The following TOP1 variants were observed in gnomAD, a reference collection of about 807,000 sequenced individuals.
TOP1 encodes the protein DNA topoisomerase I, also known as DNA topoisomerase 1.
Under a neutral mutation model 111.1 loss-of-function variants are expected in TOP1, and 10 were observed. That is an observed-to-expected ratio of 0.09 (90% CI 0.06 to 0.15). The LOEUF is 0.15. TOP1 is among the 10% of genes least tolerant of loss of function. TOP1 has a pLI of 1.00. For synonymous variants in TOP1, 271 were observed against 302.9 expected (o/e 0.89, Z 1.10); for missense variants, 474 against 926.7 (o/e 0.51, Z 6.34).
chr20:41,111,127 G>A (rs1360565784), intron 13 of TOP1, among the ~76,000 whole-genome samples: 1 of 152,194 alleles, frequency 6.6e-6, no homozygotes, highest in Non-Finnish European at 1.5e-5. Flanking sequence ...GGGACTTTGA[G>A]ACAGGCTTTG....
chr20:41,035,465 A>G (rs2033173384), intron 2 of TOP1, among the ~76,000 whole-genome samples: 1 of 152,198 alleles, frequency 6.6e-6, no homozygotes, highest in African/African-American at 2.4e-5. Flanking sequence ...GTAAGCTCCA[A>G]CAAAAGATGT....
chr20:41,100,271 A>G lies in TOP1; in HGVS notation c.1163+28A>G, dbSNP rs746619113. 4.4e-5 allele frequency: 69 copies of G among 1,583,686 alleles called. No homozygotes were observed. Among genetic ancestry groups the G allele is most frequent in the Non-Finnish European group, 4.4e-5 (51 of 1,159,842 alleles). On this transcript the variant is annotated intron_variant, in intron 12 of 20. Transcript: ENST00000361337. The surrounding 1 kb of genome is among the most constrained non-coding windows in gnomAD (Gnocchi z 4.4). The stretch of plus-strand genomic sequence containing the variant: ...GAGCTCGCACTTCATCCTATGGGCC[A>G]AAAAGGGGGTGGAGGGCGTCCTTTA...
At position 41,032,764 on chromosome 20, in the gene TOP1, G is replaced by A. The variant is rs1015047790; in HGVS notation, c.58+3309G>A. On this transcript the variant is annotated intron_variant, in intron 2 of 20. Transcript: ENST00000361337. The surrounding 1 kb of genome is among the most constrained non-coding windows in gnomAD (Gnocchi z 4.3). ...TAATTAAATATGAATTGTTTCTGAT[G>A]CTAATAGATAGTTGTACTTCTGTCT... Among the ~76,000 whole-genome samples the A allele has an allele frequency of 1.3e-5, 2 of 152,208 alleles. No homozygotes were observed. The highest frequency in any genetic ancestry group is 4.8e-5 in the African/African-American group (2 of 41,444).
intron 3 of TOP1, among the ~76,000 whole-genome samples, chr20:41,066,772 T>G (rs896730496): frequency 6.6e-6 from 1 of 152,124 alleles, no homozygotes; most frequent in Non-Finnish European, 1.5e-5. Context: ...ACCAGGATGG[T>G]CTCAATCTCC....
Position 41,070,301 on chromosome 20 carries a change from T to G in TOP1, c.156-5870T>G, listed in dbSNP as rs36062059. Among the ~76,000 whole-genome samples the G allele has an allele frequency of 8.5e-3, 1,300 of 152,338 alleles. 19 individuals are homozygous for G. Among genetic ancestry groups the G allele is most frequent in the South Asian group, 0.052 (251 of 4,828 alleles). ...TTTTGCCATCTTTGGGCACATCCTT[T>G]TATCCTCTCTGGCCTGAAAACAAAG... is the stretch of plus-strand genomic sequence containing the variant. On this transcript the variant is annotated intron_variant, in intron 3 of 20. Coordinates refer to ENST00000361337, the MANE Select transcript of TOP1 (RefSeq NM_003286.4).
At position 41,102,102 on chromosome 20, in the gene TOP1, CT is replaced by C. The variant is rs1298189498; in HGVS notation, c.1308+750del. On this transcript the variant is annotated intron_variant, in intron 13 of 20. Transcript: ENST00000361337. The surrounding 1 kb of genome is among the most constrained non-coding windows in gnomAD (Gnocchi z 4.0). The stretch of plus-strand genomic sequence containing the variant: ...GAATTAGTTCTATGTAGACTGTTAA[CT>C]GTTTTATGTGCAGGAGACCTGGGAC... Among the ~76,000 whole-genome samples the C allele has an allele frequency of 6.6e-6, 1 of 152,160 alleles. No individual in the cohort carries two copies. The highest frequency in any genetic ancestry group is 1.5e-5 in the Non-Finnish European group (1 of 68,016).
chr20:41,100,319 G>A lies in TOP1; in HGVS notation c.1163+76G>A. ...TTATTGTACTTGGGAATATTTCCCA[G>A]GTTACACAGGACTGTTTGGGAAGGG... On this transcript the variant is annotated intron_variant, in intron 12 of 20. Coordinates refer to ENST00000361337, the MANE Select transcript of TOP1 (RefSeq NM_003286.4). This position sits in a 1 kb window ranked among gnomAD's most constrained non-coding sequence, Gnocchi z 4.4. The A allele has an allele frequency of 2.4e-6, 3 of 1,234,050 alleles. No individual in the cohort carries two copies. Among genetic ancestry groups the A allele is most frequent in the Non-Finnish European group, 3.4e-6 (3 of 870,866 alleles). 76.4% of individuals were successfully genotyped at this position (1,234,050 alleles called of 1,614,324 possible).
intron 2 of TOP1, among the ~76,000 whole-genome samples, chr20:41,037,037 A>T (rs55785072): frequency 0.021 from 3,126 of 152,094 alleles, 100 homozygotes; most frequent in African/African-American, 0.071. Context: ...TCACCGTGTT[A>T]GCCAGGATGG....
chr20:41,040,517 A>G (rs1600553702), intron 2 of TOP1, among the ~76,000 whole-genome samples: 1 of 152,164 alleles, frequency 6.6e-6, no homozygotes, highest in Non-Finnish European at 1.5e-5. Context: ...AGTCTTTATA[A>G]CTACTGGCTT....
At chr20:41,065,763 T>C (rs1219643729) in intron 3 of TOP1, among the ~76,000 whole-genome samples, 1 of 152,216 alleles carries the variant, frequency 6.6e-6, no homozygotes, top group Non-Finnish European at 1.5e-5. Flanking sequence ...CTGAATTATA[T>C]TCCATTGTAT....
intron 13 of TOP1, among the ~76,000 whole-genome samples, chr20:41,105,285 G>A (rs2034128157): frequency 6.6e-6 from 1 of 151,988 alleles, no homozygotes; most frequent in African/African-American, 2.4e-5. Flanking sequence ...GTAAACTATT[G>A]TAAGCTAAAG....
In TOP1 at chr20:41,106,656, T is replaced by G. The variant is rs6124317; in HGVS notation, c.1308+5303T>G. Among the ~76,000 whole-genome samples the G allele has an allele frequency of 6.6e-5, 10 of 151,976 alleles. No individual in the cohort carries two copies. The highest frequency in any genetic ancestry group is 1.3e-4 in the Non-Finnish European group (9 of 67,982). On this transcript the variant is annotated intron_variant, in intron 13 of 20. Transcript: ENST00000361337. This position sits in a 1 kb window ranked among gnomAD's most constrained non-coding sequence, Gnocchi z 4.3. ...GTGATCTTATAGTTTTTATTGCTAA[T>G]GTGAATGAGATTTTTTTCCATTATG...
intron 2 of TOP1, among the ~76,000 whole-genome samples, chr20:41,054,301 C>T (rs1303005043): frequency 2.0e-5 from 3 of 152,106 alleles, no homozygotes; most frequent in Non-Finnish European, 2.9e-5. Flanking sequence ...TTCCCCACCC[C>T]GCCCCCGCAC....
intron 3 of TOP1, among the ~76,000 whole-genome samples, chr20:41,068,692 G>A (rs1462911582): frequency 2.0e-5 from 3 of 152,078 alleles, no homozygotes; most frequent in Admixed American, 2.0e-4. Context: ...ACCATGGCCG[G>A]CCCTCTTTTA....
At chr20:41,090,289 A>AT (rs1157506971) in intron 8 of TOP1, among the ~76,000 whole-genome samples, 1 of 151,684 alleles carries the variant, frequency 6.6e-6, no homozygotes, top group Non-Finnish European at 1.5e-5. Context: ...CCTATTTTTA[A>AT]TTTTATCTTT....
In TOP1 at chr20:41,069,047, G is replaced by T. The variant is rs1480789299; in HGVS notation, c.156-7124G>T. 6.6e-6 allele frequency among the ~76,000 whole-genome samples: 1 copy of T among 152,194 alleles called. No homozygotes were observed. Among genetic ancestry groups the T allele is most frequent in the Non-Finnish European group, 1.5e-5 (1 of 68,042 alleles). ...AAATAGCAAGGGAAGTACTTTTCCAGCCATATTGGCAGTGCTATTCTGTAC... is the reference window on the plus strand; with the variant it reads ...AAATAGCAAGGGAAGTACTTTTCCATCCATATTGGCAGTGCTATTCTGTAC... On this transcript the variant is annotated intron_variant, in intron 3 of 20. Transcript: ENST00000361337. This position sits in a 1 kb window ranked among gnomAD's most constrained non-coding sequence, Gnocchi z 4.1.
At chr20:41,047,733 T>A (rs1471416616) in intron 2 of TOP1, among the ~76,000 whole-genome samples, 1 of 152,226 alleles carries the variant, frequency 6.6e-6, no homozygotes, top group Non-Finnish European at 1.5e-5. Flanking sequence ...ATTTAGTACC[T>A]GGCCCTTCAC....
At position 41,118,442 on chromosome 20, in the gene TOP1, GTAGT is replaced by G; in HGVS notation, c.1950+149_1950+152del. The G allele has an allele frequency of 1.1e-6, 1 of 909,520 alleles. No homozygotes were observed. The highest frequency in any genetic ancestry group is 1.7e-6 in the Non-Finnish European group (1 of 600,440). The allele number at this position is 909,520 out of a possible 1,614,324, so 56.3% of individuals were successfully genotyped here. A position where few individuals can be genotyped will look rare whatever the true frequency, so the allele number is the denominator to read the frequency against. ...AAGATAAACAAATGGAAATATGATA[GTAGT>G]TAATCTCTGATCAAGATACTGAATA... On this transcript the variant is annotated intron_variant, in intron 18 of 20. Coordinates refer to ENST00000361337, the MANE Select transcript of TOP1 (RefSeq NM_003286.4). The surrounding 1 kb of genome is among the most constrained non-coding windows in gnomAD (Gnocchi z 4.6).
chr20:41,070,031 C>T (rs1019524449), intron 3 of TOP1, among the ~76,000 whole-genome samples: 5 of 152,072 alleles, frequency 3.3e-5, no homozygotes, highest in Admixed American at 2.6e-4. Flanking sequence ...TATTAAATGC[C>T]ATTTCAAAAA....
Sources: allele counts gnomAD v4.1 joint callset (sites outside exome capture counted in the v4.1 genomes callset), GRCh38; gene constraint gnomAD v4.1.1; non-coding constraint Gnocchi (gnomAD v3.1); transcripts MANE v1.5; gene names NCBI Gene and HGNC (gene_info 2026-07-23, HGNC 2026-07-21).